The following PCDHGB4 variants were observed in gnomAD, a reference collection of about 807,000 sequenced individuals.
The protein encoded by PCDHGB4 is protocadherin gamma-B4.
A neutral mutation model predicts 60.5 loss-of-function variants in PCDHGB4; 38 were observed. That is an observed-to-expected ratio of 0.63 (90% CI 0.48 to 0.82). PCDHGB4 has a LOEUF of 0.82. Among genes scored for constraint, PCDHGB4 ranks in the 40% least tolerant of loss-of-function variants. PCDHGB4 has a pLI of 0.00. For missense variants in PCDHGB4, 1,109 were observed against 1,209.6 expected, an observed-to-expected ratio of 0.92 and a Z score of 1.23; for synonymous variants, 456 against 509.7, an observed-to-expected ratio of 0.89 and a Z score of 1.42.
chr5:141,474,403 C>G (rs553745731), intron 1 of PCDHGB4, among the ~76,000 whole-genome samples: 6 of 152,166 alleles, frequency 3.9e-5, no homozygotes, highest in Non-Finnish European at 5.9e-5. Context: ...ACAAGCTCCC[C>G]GGTGATGCCT....
At position 141,417,952 on chromosome 5, in the gene PCDHGB4, G is replaced by C. The variant is rs766243694; in HGVS notation, c.2397+27671G>C. 10 of 1,613,510 alleles carry C rather than the reference G, an allele frequency of 6.2e-6. No individual in the cohort carries two copies. In the African/African-American group the frequency reaches 1.3e-4, roughly 22 times the overall value. On this transcript the variant is annotated intron_variant, in intron 1 of 3. Coordinates refer to ENST00000519479, the MANE Select transcript of PCDHGB4 (RefSeq NM_003736.4). ...CTTTGTTCTACCCCACGCTGTGTGA[G>C]CCGATCCGCTACTCGATTCCGGAGG...
In PCDHGB4 at chr5:141,512,394, C is replaced by A. The variant is rs750967336; in HGVS notation, c.*1221C>A. 1 of 152,706 alleles carries A rather than the reference C, an allele frequency of 6.5e-6. No homozygotes were observed. The highest frequency in any genetic ancestry group is 1.5e-5 in the Non-Finnish European group (1 of 68,084). The allele number at this position is 152,706 out of a possible 1,614,324, so 9.5% of individuals were successfully genotyped here. ...GACCAAATGAACAGAAAGTCTCAGC[C>A]CAGGATGGGGCTTCTTCAACAGGGC... is the stretch of plus-strand genomic sequence containing the variant. On this transcript the variant is annotated 3_prime_UTR_variant, in exon 4 of 4. Transcript: ENST00000519479.
At chr5:141,415,304 C>T (rs1468756434) in intron 1 of PCDHGB4, 2 of 1,614,188 alleles carry the variant, frequency 1.2e-6, no homozygotes, top group Non-Finnish European at 8.5e-7. Context: ...GTCTTCCTGG[C>T]CTTCGTCATC....
chr5:141,420,934 C>T, intron 1 of PCDHGB4: 1 of 377,936 alleles, frequency 2.6e-6, no homozygotes, highest in South Asian at 5.3e-5. Context: ...TGAGCGTAAT[C>T]ATTTCTTCTG....
Position 141,506,445 on chromosome 5 carries a change from A to T in PCDHGB4, c.2545+964A>T, listed in dbSNP as rs1018306383. 3.8e-3 allele frequency among the ~76,000 whole-genome samples: 112 copies of T among 29,226 alleles called. No individual in the cohort carries two copies. The Middle Eastern group carries it at 0.08, about 21-fold the overall frequency. The allele number at this position is 29,226 out of a possible 152,430, so 19.2% of individuals were successfully genotyped here. ...CTGGGCAACAGTCTCGCTCTGTCTC[A>T]AAAAAAAAAAAAAAAAAAAAGAGCA... On this transcript the variant is annotated intron_variant, in intron 3 of 3. Transcript: ENST00000519479.
chr5:141,399,610 C>T, intron 1 of PCDHGB4: 1 of 1,613,946 alleles, frequency 6.2e-7, no homozygotes, highest in Non-Finnish European at 8.5e-7. Flanking sequence ...CCTAGAGCCT[C>T]TGGCACTGGC....
At chr5:141,478,068 A>T (rs560968418) in intron 1 of PCDHGB4, 1 of 1,614,134 alleles carries the variant, frequency 6.2e-7, no homozygotes, top group East Asian at 2.2e-5. Flanking sequence ...ATCAAAGACA[A>T]TGGGGAGCCT....
intron 1 of PCDHGB4, chr5:141,413,089 C>T: frequency 7.1e-7 from 1 of 1,401,124 alleles, no homozygotes; most frequent in Non-Finnish European, 9.7e-7. Context: ...TACAGAGACA[C>T]CCTGAAGCCA....
intron 1 of PCDHGB4, among the ~76,000 whole-genome samples, chr5:141,439,076 C>G (rs1358035789): frequency 6.6e-6 from 1 of 151,590 alleles, no homozygotes; most frequent in East Asian, 2.0e-4. Context: ...GCCTGTAATC[C>G]CAGCTACTCA....
At chr5:141,427,869 AC>A in intron 1 of PCDHGB4, 1 of 1,559,604 alleles carries the variant, frequency 6.4e-7, no homozygotes, top group Non-Finnish European at 8.8e-7. Context: ...CTTCGAGCTC[AC>A]GATGCAGGCC....
intron 1 of PCDHGB4, chr5:141,395,466 TC>T (rs951026760): frequency 3.5e-6 from 2 of 577,354 alleles, no homozygotes; most frequent in Non-Finnish European, 5.8e-6. Context: ...TTTTAAGCCT[TC>T]CAGTATTTTA....
chr5:141,470,262 A>C (rs924170384), intron 1 of PCDHGB4, among the ~76,000 whole-genome samples: 2 of 152,126 alleles, frequency 1.3e-5, no homozygotes, highest in African/African-American at 4.8e-5. Context: ...CTAAATGGAG[A>C]TACATGTTTG....
intron 1 of PCDHGB4, chr5:141,413,478 T>C (rs755324008): frequency 6.2e-7 from 1 of 1,614,074 alleles, no homozygotes; most frequent in East Asian, 2.2e-5. Flanking sequence ...AGCTCTGCGC[T>C]CAGAGCGCGC....
Position 141,490,866 on chromosome 5 carries a change from C to T in PCDHGB4, c.2398-3941C>T, listed in dbSNP as rs1408465290. The T allele has an allele frequency of 6.2e-7, 1 of 1,613,906 alleles. No homozygotes were observed. The highest frequency in any genetic ancestry group is 1.7e-5 in the Admixed American group (1 of 60,012). ...TGGGGGTTCGAGACTCCGGCTCTCC[C>T]CCATTGCATGCCAACACATCTCTGC... On this transcript the variant is annotated intron_variant, in intron 1 of 3. Coordinates refer to ENST00000519479, the MANE Select transcript of PCDHGB4 (RefSeq NM_003736.4). The surrounding 1 kb of genome is among the most constrained non-coding windows in gnomAD (Gnocchi z 5.4).
chr5:141,469,618 T>C (rs1284372508), intron 1 of PCDHGB4, among the ~76,000 whole-genome samples: 1 of 152,148 alleles, frequency 6.6e-6, no homozygotes, highest in Non-Finnish European at 1.5e-5. Context: ...ATAAAATAAA[T>C]GTTTGTAGTT....
rs1468315559 is a variant in PCDHGB4 at position 141,493,636 on chromosome 5, G to A, written c.2398-1171G>A. 1.3e-5 allele frequency among the ~76,000 whole-genome samples: 2 copies of A among 152,130 alleles called. No individual in the cohort carries two copies. Among genetic ancestry groups the A allele is most frequent in the Non-Finnish European group, 2.9e-5 (2 of 68,040 alleles). The stretch of plus-strand genomic sequence containing the variant: ...TGTGTCTAAGAATACAGTGGCTGAG[G>A]GCTGGCCATCCCTGTGCCCTTCTCC... On this transcript the variant is annotated intron_variant, in intron 1 of 3. Transcript: ENST00000519479. The surrounding 1 kb of genome is among the most constrained non-coding windows in gnomAD (Gnocchi z 4.3).
chr5:141,455,725 C>T (rs1001661569), intron 1 of PCDHGB4, among the ~76,000 whole-genome samples: 4 of 152,136 alleles, frequency 2.6e-5, no homozygotes, highest in South Asian at 2.1e-4. Context: ...TAATGGCCTG[C>T]ATTTGCATAT....
intron 1 of PCDHGB4, chr5:141,404,730 C>G: frequency 6.2e-7 from 1 of 1,613,984 alleles, no homozygotes; most frequent in East Asian, 2.2e-5. Context: ...AAGGTGGTGG[C>G]AGTGGACAGA....
chr5:141,421,043 C>G (rs1201118615), intron 1 of PCDHGB4: 2 of 548,238 alleles, frequency 3.6e-6, no homozygotes, highest in Non-Finnish European at 6.3e-6. Flanking sequence ...CCTCCCTCCC[C>G]CGCCTCTACC....
Sources: allele counts gnomAD v4.1 joint callset (sites outside exome capture counted in the v4.1 genomes callset), GRCh38; gene constraint gnomAD v4.1.1; non-coding constraint Gnocchi (gnomAD v3.1); transcripts MANE v1.5; gene names NCBI Gene and HGNC (gene_info 2026-07-23, HGNC 2026-07-21).